Variants in PTPRF observed in about 807,000 individuals in gnomAD.
PTPRF encodes receptor-type tyrosine-protein phosphatase F.
PTPRF carries 59 observed loss-of-function variants against 201.8 expected under a neutral mutation model. The ratio of observed to expected loss-of-function variants is 0.29; its 90% confidence interval spans 0.24 to 0.36. The LOEUF (loss-of-function observed/expected upper bound fraction) is 0.36, where lower values mean the gene tolerates loss of function less well. Ranked by LOEUF, PTPRF falls within the 10% of genes least tolerant of loss-of-function variation. PTPRF has a pLI of 1.00. For synonymous variants in PTPRF, 1,088 were observed against 1,089.7 expected, an observed-to-expected ratio of 1.00 and a Z score of 0.03; for missense variants, 2,132 against 2,690.5, an observed-to-expected ratio of 0.79 and a Z score of 4.59.
intron 11 of PTPRF, among the ~76,000 whole-genome samples, chr1:43,596,352 A>G (rs959578917): frequency 6.6e-6 from 1 of 152,034 alleles, no homozygotes; most frequent in Non-Finnish European, 1.5e-5. Flanking sequence ...AGTCCTGGAG[A>G]TGAGGGGCTC....
rs1356704642 is a variant in PTPRF, at chr1:43,542,505, G to T, written c.-45-2526G>T. Among the ~76,000 whole-genome samples, 1 of 152,114 alleles carries T rather than the reference G, an allele frequency of 6.6e-6. No homozygotes were observed. The highest frequency in any genetic ancestry group is 1.5e-5 in the Non-Finnish European group (1 of 68,006). ...CTGGAGGCCCCACGTTGGGGGTAGG[G>T]TTACCTGAGGCCCAAGTTCTCCAAC... On this transcript the variant is annotated intron_variant, in intron 2 of 33. Coordinates refer to ENST00000359947, the MANE Select transcript of PTPRF (RefSeq NM_002840.5). This position sits in a 1 kb window ranked among gnomAD's most constrained non-coding sequence, Gnocchi z 5.2.
At chr1:43,557,889 T>C (rs1304965807) in intron 5 of PTPRF, among the ~76,000 whole-genome samples, 1 of 152,156 alleles carries the variant, frequency 6.6e-6, no homozygotes, top group African/African-American at 2.4e-5. Flanking sequence ...TGTATAACCT[T>C]GGCCAGCATT....
At chr1:43,590,870 C>T in intron 8 of PTPRF, 102 bp from the exon 9 acceptor site, 1 of 1,123,786 alleles carries the variant, frequency 8.9e-7, no homozygotes, top group Non-Finnish European at 1.3e-6. Flanking sequence ...ATCAGCCACA[C>T]TCAGGTGACC....
Position 43,605,097 on chromosome 1 carries a change from A to T in PTPRF, c.3136-93A>T, listed in dbSNP as rs1400451703. 3 of 1,573,578 alleles carry T rather than the reference A, an allele frequency of 1.9e-6. No homozygotes were observed. The African/African-American group carries it at 4.0e-5, about 21-fold the overall frequency. On this transcript the variant is annotated intron_variant, in intron 17 of 33. Coordinates refer to ENST00000359947, the MANE Select transcript of PTPRF (RefSeq NM_002840.5). ...ACCCATGTGCATCCGGCTGTGGAGC[A>T]GGAATGTGGTTGTGTATCCGTGCAC... is the stretch of plus-strand genomic sequence containing the variant.
At chr1:43,531,526 G>T (rs1643512799) in intron 1 of PTPRF, among the ~76,000 whole-genome samples, 2 of 143,948 alleles carry the variant, frequency 1.4e-5, no homozygotes, top group African/African-American at 2.5e-5. Flanking sequence ...CCCGGGCTCC[G>T]GGCGGGTCCA....
chr1:43,608,813 T>C (rs1295602476), intron 21 of PTPRF, among the ~76,000 whole-genome samples: 1 of 152,188 alleles, frequency 6.6e-6, no homozygotes, highest in Non-Finnish European at 1.5e-5. Flanking sequence ...CCTCTGGCTA[T>C]TTGTTGGCAG....
rs746682490 is a variant in PTPRF, at chr1:43,619,391, C to A, written c.4750C>A (p.Arg1584=). 4 of 1,614,006 alleles carry A rather than the reference C, an allele frequency of 2.5e-6. No homozygotes were observed. The African/African-American group carries it at 5.3e-5, about 22-fold the overall frequency. Residue 1584 remains arginine, a synonymous_variant, in exon 28 of 34, where the codon CGA becomes AGA. Transcript: ENST00000359947. ...VDIYGHVTCM[R]SQRNYMVQTE... is the part of the protein sequence containing the mutation. Reference sequence around the variant, plus strand: ...CATCTATGGCCACGTGACCTGCATGCGATCACAGAGGAACTACATGGTGCA... The same window carrying A: ...CATCTATGGCCACGTGACCTGCATGAGATCACAGAGGAACTACATGGTGCA...
At chr1:43,566,093 G>C (rs1332297107) in intron 5 of PTPRF, among the ~76,000 whole-genome samples, 1 of 152,200 alleles carries the variant, frequency 6.6e-6, no homozygotes, top group Non-Finnish European at 1.5e-5. Context: ...CGCGGCGCGT[G>C]TGCGGGGCTC....
In PTPRF at chr1:43,537,004, C is replaced by T. The variant is rs115698630; in HGVS notation, c.-125-1194C>T. Among the ~76,000 whole-genome samples the T allele has an allele frequency of 5.1e-3, 774 of 152,306 alleles. 9 individuals are homozygous for T. Among genetic ancestry groups the T allele is most frequent in the African/African-American group, 0.018 (753 of 41,556 alleles). On this transcript the variant is annotated intron_variant, in intron 1 of 33. Coordinates refer to ENST00000359947, the MANE Select transcript of PTPRF (RefSeq NM_002840.5). The surrounding 1 kb of genome is among the most constrained non-coding windows in gnomAD (Gnocchi z 4.8). ...CGGTGAGGACATTCCCACGCACCACCCTCCCACTGTGGTTTCTTTGTGTCC... is the reference window on the plus strand; with the variant it reads ...CGGTGAGGACATTCCCACGCACCACTCTCCCACTGTGGTTTCTTTGTGTCC...
chr1:43,529,531 C>T (rs1643272689), upstream of PTPRF, among the ~76,000 whole-genome samples: 1 of 152,168 alleles, frequency 6.6e-6, no homozygotes, highest in Non-Finnish European at 1.5e-5. Flanking sequence ...AGAAGAAACC[C>T]CACAGAGGAG....
At chr1:43,621,642 G>A (rs186719632) in intron 33 of PTPRF, among the ~76,000 whole-genome samples, 302 of 152,288 alleles carry the variant, frequency 2.0e-3, no homozygotes, top group Admixed American at 4.1e-3. Context: ...CCTGGCTCTG[G>A]GCAAGGTTGC....
At chr1:43,596,618 C>T (rs1350251962) in intron 11 of PTPRF, among the ~76,000 whole-genome samples, 3 of 152,174 alleles carry the variant, frequency 2.0e-5, no homozygotes, top group African/African-American at 7.2e-5. Flanking sequence ...TGGTGATTAC[C>T]TGTGGCACTG....
chr1:43,558,430 G>A (rs927358173), intron 5 of PTPRF, among the ~76,000 whole-genome samples: 8 of 152,018 alleles, frequency 5.3e-5, no homozygotes, highest in African/African-American at 1.5e-4. Context: ...TTTGCACCTC[G>A]CATCTGAGCA....
chr1:43,603,993 C>T lies in PTPRF; in HGVS notation c.2841C>T (p.Arg947=). 3 of 1,614,152 alleles carry T rather than the reference C, an allele frequency of 1.9e-6. No homozygotes were observed. In the South Asian group the frequency reaches 3.3e-5, roughly 18 times the overall value. ...DPPVLAERNG[R]IISYTVVFRD... ...CAGTGCTGGCGGAGAGGAACGGGCGCATCATCAGCTACACCGTGGTGTTCC... is the reference window on the plus strand; with the variant it reads ...CAGTGCTGGCGGAGAGGAACGGGCGTATCATCAGCTACACCGTGGTGTTCC... Residue 947 remains arginine (R), a synonymous_variant, in exon 16 of 34, where the codon CGC becomes CGT. Coordinates refer to ENST00000359947, the MANE Select transcript of PTPRF (RefSeq NM_002840.5). The surrounding 1 kb of genome is among the most constrained non-coding windows in gnomAD (Gnocchi z 5.8).
intron 29 of PTPRF, 25 bp from the exon 30 acceptor site, chr1:43,620,070 A>G (rs761755149): frequency 1.2e-6 from 2 of 1,613,212 alleles, no homozygotes; most frequent in Non-Finnish European, 1.7e-6. Context: ...CACCTCCAGC[A>G]TGTCCAGTCT....
rs144129682 is a variant in PTPRF, at chr1:43,588,148, A to G, written c.680-583A>G. Among the ~76,000 whole-genome samples the G allele has an allele frequency of 7.9e-4, 120 of 152,220 alleles. No homozygotes were observed. In the East Asian group the frequency reaches 0.018, roughly 23 times the overall value. On this transcript the variant is annotated intron_variant, in intron 7 of 33. Transcript: ENST00000359947. This position sits in a 1 kb window ranked among gnomAD's most constrained non-coding sequence, Gnocchi z 5.3. ...TGGGTTCCCAGGTTGTGCCCTGAGC[A>G]TGGCTGAGACCCTGGCAGGCGGCCC...
intron 5 of PTPRF, among the ~76,000 whole-genome samples, chr1:43,560,426 G>A (rs1395276737): frequency 2.6e-5 from 4 of 151,444 alleles, no homozygotes; most frequent in Admixed American, 2.6e-4. Flanking sequence ...TGCACAGCAG[G>A]TGATGTGCAG....
At chr1:43,548,275 G>A (rs1373872499) in intron 3 of PTPRF, among the ~76,000 whole-genome samples, 1 of 152,032 alleles carries the variant, frequency 6.6e-6, no homozygotes, top group Non-Finnish European at 1.5e-5. Flanking sequence ...CCTGGTTATG[G>A]CCCATTTACC....
At chr1:43,534,605 C>T (rs1414008946) in intron 1 of PTPRF, among the ~76,000 whole-genome samples, 2 of 152,008 alleles carry the variant, frequency 1.3e-5, no homozygotes, top group African/African-American at 4.8e-5. Flanking sequence ...TGAGGAGGGG[C>T]AGAGAATAAG....
Sources: allele counts gnomAD v4.1 joint callset (sites outside exome capture counted in the v4.1 genomes callset), GRCh38; gene constraint gnomAD v4.1.1; non-coding constraint Gnocchi (gnomAD v3.1); transcripts MANE v1.5; gene names NCBI Gene and HGNC (gene_info 2026-07-23, HGNC 2026-07-21).